The following LRCH3 variants were observed in gnomAD, a reference collection of about 807,000 sequenced individuals.
LRCH3 encodes the protein leucine rich repeats and calponin homology domain containing 3.
In LRCH3, 68 loss-of-function variants were observed where a neutral mutation model predicts 104.5. That is an observed-to-expected ratio of 0.65 (90% confidence interval 0.54 to 0.80). The LOEUF (loss-of-function observed/expected upper bound fraction) is 0.80. LRCH3 is among the 30% of genes least tolerant of loss of function. The pLI, the probability that LRCH3 is intolerant of heterozygous loss-of-function variation, is 0.00. For synonymous variants in LRCH3, 344 were observed against 361.3 expected, an observed-to-expected ratio of 0.95 and a Z score of 0.54; for missense variants, 951 against 953.9, an observed-to-expected ratio of 1.00 and a Z score of 0.04.
At chr3:197,806,668 C>T (rs925814388) in intron 1 of LRCH3, among the ~76,000 whole-genome samples, 1 of 150,810 alleles carries the variant, frequency 6.6e-6, no homozygotes. Context: ...CACCTGAGGT[C>T]AGGAGTTCAA....
At chr3:197,837,300 A>G (rs931738789) in intron 9 of LRCH3, among the ~76,000 whole-genome samples, 5 of 152,176 alleles carry the variant, frequency 3.3e-5, no homozygotes, top group African/African-American at 9.7e-5. Context: ...GTATAAATGG[A>G]GTATCTCTAC....
chr3:197,866,612 C>T (rs1741515681), intron 17 of LRCH3, among the ~76,000 whole-genome samples: 1 of 152,120 alleles, frequency 6.6e-6, no homozygotes, highest in African/African-American at 2.4e-5. Flanking sequence ...ACAAATTTCT[C>T]CCTGGTCCCC....
chr3:197,858,761 C>A, intron 14 of LRCH3, 73 bp from the exon 15 acceptor site: 1 of 1,206,308 alleles, frequency 8.3e-7, no homozygotes, highest in South Asian at 1.2e-5. Flanking sequence ...TTTCACTAGT[C>A]AGATCTGCCT....
chr3:197,880,617 G>T, intron 20 of LRCH3: 3 of 1,536,718 alleles, frequency 2.0e-6, no homozygotes, highest in South Asian at 2.4e-5. Context: ...ATCCAGTTTT[G>T]TCTGTCTCTC....
At chr3:197,879,475 T>A (rs1194441534) in intron 20 of LRCH3, among the ~76,000 whole-genome samples, 2 of 150,918 alleles carry the variant, frequency 1.3e-5, no homozygotes, top group Non-Finnish European at 2.9e-5. Flanking sequence ...TGAAACCCCG[T>A]CTCTACTAAA....
In LRCH3 at chr3:197,791,488, G is replaced by C; in HGVS notation, c.210G>C (p.Arg70Ser). ...TGAGCCTGAGCGGCCGGAAACTGAG[G>C]GAGTTTCCCCGGGGAGCGGCCAACC... ...GVLSLSGRKL[R>S]EFPRGAANHD... The change falls in exon 1 of 21, where the codon AGG becomes AGC. Residue 70 changes from arginine (R) to serine (S), a missense_variant. By Grantham distance (110) the Arg-to-Ser change is moderately radical (BLOSUM62 -1). Coordinates refer to ENST00000425562, the MANE Select transcript of LRCH3 (RefSeq NM_001365715.1). 1 of 1,601,978 alleles carries C rather than the reference G, an allele frequency of 6.2e-7. No homozygotes were observed. Among genetic ancestry groups the C allele is most frequent in the African/African-American group, 1.4e-5 (1 of 73,796 alleles).
At chr3:197,818,239 A>G (rs1734083002) in intron 3 of LRCH3, among the ~76,000 whole-genome samples, 1 of 152,226 alleles carries the variant, frequency 6.6e-6, no homozygotes, top group Admixed American at 6.5e-5. Context: ...TAATAATATT[A>G]TGAATTGATT....
chr3:197,792,150 C>T (rs567706613), intron 1 of LRCH3, among the ~76,000 whole-genome samples: 18 of 151,626 alleles, frequency 1.2e-4, no homozygotes, highest in Middle Eastern at 3.4e-3. Flanking sequence ...TGAACCCGAA[C>T]GCTGGAACGT....
intron 5 of LRCH3, among the ~76,000 whole-genome samples, chr3:197,828,865 G>A (rs1735566944): frequency 6.6e-6 from 1 of 151,750 alleles, no homozygotes; most frequent in Admixed American, 6.6e-5. Context: ...CTGCCACCAT[G>A]CCCGGCTAAT....
intron 1 of LRCH3, among the ~76,000 whole-genome samples, chr3:197,803,597 G>A (rs1017186322): frequency 2.3e-4 from 35 of 151,696 alleles, no homozygotes; most frequent in African/African-American, 8.2e-4. Flanking sequence ...CCTGGGAGGT[G>A]GAGGTTGCAG....
rs541950317 is a variant in LRCH3 at position 197,839,321 on chromosome 3, G to A, written c.1252G>A (p.Gly418Ser). ...TATTTATTTCTGTCCTCTGGCCTAG[G>A]GTTCACCAGTAAAGCCAGTAGCCAT... is the stretch of plus-strand genomic sequence containing the variant. Reference protein sequence around the residue: ...YIEQRRISHEGSPVKPVAIRE... With the variant: ...YIEQRRISHESSPVKPVAIRE... The change falls in exon 10 of 21, where the codon GGT becomes AGT. Residue 418 changes from glycine to serine, a missense_variant and splice_region_variant. Transcript: ENST00000425562. 6.0e-5 allele frequency: 95 copies of A among 1,587,222 alleles called. No individual in the cohort carries two copies. The South Asian group carries it at 9.8e-4, about 16-fold the overall frequency.
chr3:197,845,506 G>A (rs1475976089), intron 10 of LRCH3, among the ~76,000 whole-genome samples: 2 of 151,996 alleles, frequency 1.3e-5, no homozygotes, highest in Non-Finnish European at 2.9e-5. Flanking sequence ...TTATGTCTCA[G>A]TATTCCATGC....
chr3:197,824,715 G>A (rs1179136881), intron 4 of LRCH3, among the ~76,000 whole-genome samples: 1 of 151,120 alleles, frequency 6.6e-6, no homozygotes, highest in Admixed American at 6.6e-5. Context: ...GGGATTATAG[G>A]AGCCCGCCAC....
At chr3:197,800,326 C>T (rs1731740265) in intron 1 of LRCH3, among the ~76,000 whole-genome samples, 1 of 152,114 alleles carries the variant, frequency 6.6e-6, no homozygotes. Flanking sequence ...TTAAGAATGT[C>T]TATACACAAG....
rs1047754646 is a variant in LRCH3 at position 197,856,354 on chromosome 3, T to C, written c.1644+1909T>C. Among the ~76,000 whole-genome samples, 32 of 152,164 alleles carry C rather than the reference T, an allele frequency of 2.1e-4. No individual in the cohort carries two copies. The highest frequency in any genetic ancestry group is 7.2e-4 in the African/African-American group (30 of 41,526). On this transcript the variant is annotated intron_variant, in intron 14 of 20. Transcript: ENST00000425562. This position sits in a 1 kb window ranked among gnomAD's most constrained non-coding sequence, Gnocchi z 4.2. Reference sequence around the variant, plus strand: ...CACGGTAATTTTTTTATCATGGTAGTTTTATTTGGGTGTTTATTATTTTAT... The same window carrying C: ...CACGGTAATTTTTTTATCATGGTAGCTTTATTTGGGTGTTTATTATTTTAT...
intron 4 of LRCH3, among the ~76,000 whole-genome samples, chr3:197,826,147 G>T (rs1365540717): frequency 2.0e-5 from 3 of 152,150 alleles, no homozygotes; most frequent in South Asian, 2.1e-4. Context: ...GGCAGAAATT[G>T]TATAATGGTA....
At chr3:197,791,629 G>T (rs1730520348) in intron 1 of LRCH3, 89 bp downstream of exon 1, 1 of 1,402,874 alleles carries the variant, frequency 7.1e-7, no homozygotes, top group Admixed American at 3.1e-5. Context: ...GGGAGTTACA[G>T]CAGCTCGTCC....
intron 19 of LRCH3, among the ~76,000 whole-genome samples, chr3:197,872,021 C>G (rs796684135): frequency 6.6e-5 from 10 of 152,242 alleles, no homozygotes; most frequent in African/African-American, 2.2e-4. Flanking sequence ...TGAGGATACA[C>G]TGAATTAAAG....
chr3:197,834,948 A>C (rs1560558588), intron 8 of LRCH3, among the ~76,000 whole-genome samples: 1 of 152,106 alleles, frequency 6.6e-6, no homozygotes, highest in Non-Finnish European at 1.5e-5. Flanking sequence ...GTTGGAGACC[A>C]GCCTGGCCAA....
Sources: allele counts gnomAD v4.1 joint callset (sites outside exome capture counted in the v4.1 genomes callset), GRCh38; gene constraint gnomAD v4.1.1; non-coding constraint Gnocchi (gnomAD v3.1); transcripts MANE v1.5; gene names NCBI Gene and HGNC (gene_info 2026-07-23, HGNC 2026-07-21).